Variants in RIMKLB observed in about 807,000 individuals in gnomAD.
RIMKLB encodes beta-citrylglutamate synthase B.
RIMKLB carries 7 observed loss-of-function variants against 32.0 expected under a neutral mutation model. The observed-to-expected ratio is 0.22, with a 90% confidence interval of 0.12 to 0.41. The LOEUF is 0.41. RIMKLB is among the 10% of genes least tolerant of loss of function. The pLI, the probability that RIMKLB is intolerant of heterozygous loss-of-function variation, is 1.00. For missense variants in RIMKLB, 289 were observed against 498.7 expected, an observed-to-expected ratio of 0.58 and a Z score of 4.00; for synonymous variants, 172 against 185.1, an observed-to-expected ratio of 0.93 and a Z score of 0.57.
chr12:8,782,527 A>G (rs1372696335), intron 7 of RIMKLB, among the ~76,000 whole-genome samples: 1 of 152,124 alleles, frequency 6.6e-6, no homozygotes, highest in Non-Finnish European at 1.5e-5. Context: ...AGAAAATATT[A>G]TGGACCTATA....
At chr12:8,675,052 A>G in the RIMKLB span, among the ~76,000 whole-genome samples, 1 of 142,344 alleles carries the variant, frequency 7.0e-6, no homozygotes, top group Non-Finnish European at 1.5e-5. Context: ...TAGTAGAGAC[A>G]GGGTTTCACC....
intron 2 of RIMKLB, among the ~76,000 whole-genome samples, chr12:8,718,070 G>C (rs1945037695): frequency 6.6e-6 from 1 of 152,044 alleles, no homozygotes; most frequent in South Asian, 2.1e-4. Flanking sequence ...CCATCTCCCG[G>C]TAGCAAGTGT....
At chr12:8,753,837 C>T in intron 4 of RIMKLB, 53 bp from the exon 5 acceptor site, 1 of 1,349,610 alleles carries the variant, frequency 7.4e-7, no homozygotes, top group African/African-American at 1.4e-5. Flanking sequence ...TAATAGGTAT[C>T]ATCTGCCCAC....
intron 2 of RIMKLB, chr12:8,742,491 G>C (rs957303595): frequency 2.6e-5 from 11 of 420,388 alleles, no homozygotes; most frequent in African/African-American, 2.3e-4. Context: ...CAAGTTCCTT[G>C]CAGCAGGAAC....
In RIMKLB at chr12:8,713,979, A is replaced by T; in HGVS notation, c.113A>T (p.Glu38Val). The change falls in exon 2 of 6, where the codon GAA (glutamate) becomes GTA (valine). Residue 38 changes from glutamate to valine, a missense_variant. This residue lies in a region of RIMKLB where 156 missense variants were observed against 329.5 expected (regional missense o/e 0.47). Coordinates refer to ENST00000535829, the MANE Select transcript of RIMKLB (RefSeq NM_001297776.2). The part of the protein sequence containing the change: ...RALKAKCCEE[E>V]LDFRAVVMDE... ...TTGAAGGCCAAATGTTGTGAGGAGG[A>T]ACTGGACTTTAGGGCTGTGGTGATG... 6.2e-7 allele frequency: 1 copy of T among 1,614,092 alleles called. No homozygotes were observed. The highest frequency in any genetic ancestry group is 8.5e-7 in the Non-Finnish European group (1 of 1,180,008).
chr12:8,696,659 C>G (rs1201703804), upstream of RIMKLB, among the ~76,000 whole-genome samples: 1 of 152,282 alleles, frequency 6.6e-6, no homozygotes, highest in Non-Finnish European at 1.5e-5. Flanking sequence ...AACCATAAAT[C>G]CAATCCGGGC....
chr12:8,710,061 A>G (rs1286925320), intron 1 of RIMKLB, among the ~76,000 whole-genome samples: 1 of 152,042 alleles, frequency 6.6e-6, no homozygotes, highest in African/African-American at 2.4e-5. Context: ...ATCTGGGGTC[A>G]CTGCAGTTTC....
intron 2 of RIMKLB, chr12:8,743,150 T>TA (rs1947730260): frequency 6.6e-6 from 1 of 151,876 alleles, no homozygotes; most frequent in Non-Finnish European, 1.5e-5. Flanking sequence ...ACTCAGGAGT[T>TA]GGAGACCAGC....
downstream of RIMKLB, chr12:8,780,143 A>AT (rs1339423892): frequency 6.6e-6 from 1 of 152,228 alleles, no homozygotes; most frequent in African/African-American, 2.4e-5. Flanking sequence ...AGTTTCTAGA[A>AT]TTACTTTAAA....
chr12:8,711,873 A>G (rs1944406647), intron 1 of RIMKLB, among the ~76,000 whole-genome samples: 1 of 152,100 alleles, frequency 6.6e-6, no homozygotes, highest in African/African-American at 2.4e-5. Flanking sequence ...CTGGTCAGGG[A>G]CACACTGTGG....
At chr12:8,740,902 A>G (rs772596371) in intron 2 of RIMKLB, among the ~76,000 whole-genome samples, 174 of 151,996 alleles carry the variant, frequency 1.1e-3, no homozygotes, top group African/African-American at 3.7e-3. Flanking sequence ...GTGAAACCCC[A>G]TCCCCTCTAA....
chr12:8,737,250 CT>C (rs545535856), intron 2 of RIMKLB, among the ~76,000 whole-genome samples: 2,868 of 135,828 alleles, frequency 0.021, 51 homozygotes, highest in African/African-American at 0.061. Context: ...TTAATCATGA[CT>C]TTTTTTTTTT....
chr12:8,674,237 TTCC>T, the RIMKLB span, among the ~76,000 whole-genome samples: 20 of 139,884 alleles, frequency 1.4e-4, no homozygotes, highest in African/African-American at 5.7e-4. Flanking sequence ...TTTTTTTTTT[TTCC>T]TTTTTTTTTT....
At chr12:8,710,372 A>T (rs1944277287) in intron 1 of RIMKLB, among the ~76,000 whole-genome samples, 1 of 142,758 alleles carries the variant, frequency 7.0e-6, no homozygotes, top group African/African-American at 2.7e-5. Flanking sequence ...CAGTGGCACG[A>T]TCTCCACTCA....
chr12:8,727,744 T>C (rs545794696), intron 2 of RIMKLB, among the ~76,000 whole-genome samples: 258 of 151,914 alleles, frequency 1.7e-3, no homozygotes, highest in Non-Finnish European at 3.5e-3. Context: ...ACTAAAAATA[T>C]AAAAATTAGC....
Position 8,685,490 on chromosome 12 carries a change from T to G in RIMKLB, n.219+3672T>G, listed in dbSNP as rs191086249. Among the ~76,000 whole-genome samples, 125 of 152,344 alleles carry G rather than the reference T, an allele frequency of 8.2e-4. 3 individuals carry two copies. Among genetic ancestry groups the G allele is most frequent in the Non-Finnish European group, 4.4e-4 (30 of 68,032 alleles). ...AGTCTGTTGATGCGATGGATTGCATTAATTGATTTTTCAAATATTGAGTCT... is the reference window on the plus strand; with the variant it reads ...AGTCTGTTGATGCGATGGATTGCATGAATTGATTTTTCAAATATTGAGTCT... On this transcript the variant is annotated intron_variant and non_coding_transcript_variant, in intron 1 of 1. Coordinates refer to the RIMKLB transcript ENST00000538758.
intron 3 of RIMKLB, among the ~76,000 whole-genome samples, chr12:8,750,600 A>G (rs911676811): frequency 3.9e-5 from 6 of 152,048 alleles, no homozygotes; most frequent in Non-Finnish European, 8.8e-5. Flanking sequence ...AGGTGTAGCA[A>G]TGCTTTCGAA....
intron 2 of RIMKLB, chr12:8,742,521 C>A: frequency 5.0e-6 from 2 of 396,960 alleles, no homozygotes; most frequent in East Asian, 7.5e-5. Flanking sequence ...GGGCACCACC[C>A]TTCACTTTCA....
At chr12:8,757,092 A>G (rs1047035351) in intron 5 of RIMKLB, among the ~76,000 whole-genome samples, 13 of 152,214 alleles carry the variant, frequency 8.5e-5, no homozygotes, top group Non-Finnish European at 1.8e-4. Context: ...AGAGAGCTAA[A>G]TGGCATCTTT....
Sources: gnomAD v4.1 joint callset for allele counts (sites outside exome capture counted in the v4.1 genomes callset) on GRCh38, gnomAD v4.1.1 for gene constraint, gnomAD v4.1.1 regional missense constraint, MANE v1.5 for transcripts, NCBI Gene and HGNC (gene_info 2026-07-23, HGNC 2026-07-21) for gene names.